The following CPAP variants were observed in gnomAD, a reference collection of about 807,000 sequenced individuals.
The protein encoded by CPAP is centrosomal P4.1-associated protein.
the CPAP span, chr13:24,884,614 C>T: frequency 1.6e-5 from 12 of 769,436 alleles, no homozygotes; most frequent in Admixed American, 1.1e-4. Context: ...GTAGCAAACT[C>T]GTGATTTTCT....
chr13:24,908,276 A>T, the CPAP span: 1 of 615,080 alleles, frequency 1.6e-6, no homozygotes. Context: ...ATTCTTTAAT[A>T]TAATTAAGAG....
the CPAP span, among the ~76,000 whole-genome samples, chr13:24,919,732 C>G: frequency 6.7e-6 from 1 of 150,216 alleles, no homozygotes; most frequent in African/African-American, 2.5e-5. Flanking sequence ...TTATGTCTGA[C>G]AGAAGAATTT....
At chr13:24,907,599 T>C in the CPAP span, among the ~76,000 whole-genome samples, 1 of 151,970 alleles carries the variant, frequency 6.6e-6, no homozygotes, top group African/African-American at 2.4e-5. Context: ...TTGAAATAAA[T>C]TTTTAAAATA....
the CPAP span, chr13:24,882,831 G>A: frequency 6.6e-6 from 2 of 304,564 alleles, no homozygotes; most frequent in South Asian, 6.5e-5. Context: ...TACGGCTGAT[G>A]TGTCTGTGGG....
At chr13:24,900,277 C>G in the CPAP span, among the ~76,000 whole-genome samples, 6 of 152,188 alleles carry the variant, frequency 3.9e-5, no homozygotes, top group Non-Finnish European at 8.8e-5. Flanking sequence ...CAAAGAACAG[C>G]CAGGAGGCCA....
the CPAP span, among the ~76,000 whole-genome samples, chr13:24,895,230 G>A: frequency 1.3e-5 from 2 of 152,266 alleles, no homozygotes; most frequent in Non-Finnish European, 2.9e-5. Flanking sequence ...CAGCCCCGGA[G>A]GAGCCCGGCT....
chr13:24,932,754 G>A, the CPAP span, among the ~76,000 whole-genome samples: 3 of 152,182 alleles, frequency 2.0e-5, no homozygotes, highest in Non-Finnish European at 4.4e-5. Flanking sequence ...TTATTAAGAT[G>A]TATATTATAA....
the CPAP span, chr13:24,910,049 G>A: frequency 1.9e-6 from 3 of 1,613,538 alleles, no homozygotes; most frequent in Admixed American, 1.7e-5. Context: ...CTGGAGACCT[G>A]TGCTTCTGGC....
the CPAP span, among the ~76,000 whole-genome samples, chr13:24,900,071 G>A: frequency 6.6e-6 from 1 of 151,948 alleles, no homozygotes; most frequent in South Asian, 2.1e-4. Context: ...GAGAAATAAA[G>A]CAAGGAAGAA....
At chr13:24,910,103 G>C in the CPAP span, 2 of 1,608,706 alleles carry the variant, frequency 1.2e-6, no homozygotes, top group Admixed American at 1.7e-5. Context: ...ATTAAGAAAT[G>C]CAACAAAGCT....
At chr13:24,884,264 A>C in the CPAP span, 5 of 1,614,048 alleles carry the variant, frequency 3.1e-6, no homozygotes, top group Non-Finnish European at 4.2e-6. Context: ...ACACACAGTC[A>C]GTCTGCCTTT....
chr13:24,929,044 T>C, the CPAP span, among the ~76,000 whole-genome samples: 1 of 152,178 alleles, frequency 6.6e-6, no homozygotes, highest in African/African-American at 2.4e-5. Flanking sequence ...AGTTTGATGG[T>C]TTTTCAAGCA....
At chr13:24,907,284 A>G in the CPAP span, 56 of 1,105,694 alleles carry the variant, frequency 5.1e-5, no homozygotes, top group Middle Eastern at 5.6e-4. Context: ...CCTTGACAAC[A>G]TGGAGAACTA....
chr13:24,908,060 T>C, the CPAP span: 1 of 1,613,070 alleles, frequency 6.2e-7, no homozygotes, highest in Non-Finnish European at 8.5e-7. Context: ...ATCATGTTTT[T>C]GTAAGTTCTT....
the CPAP span, chr13:24,903,778 TA>T: frequency 1.4e-5 from 13 of 897,304 alleles, no homozygotes; most frequent in East Asian, 2.5e-5. Context: ...TTTTATTCAG[TA>T]AAAAAAACTT....
At chr13:24,921,979 T>A in the CPAP span, among the ~76,000 whole-genome samples, 1 of 152,156 alleles carries the variant, frequency 6.6e-6, no homozygotes, top group African/African-American at 2.4e-5. Context: ...ATTGATAATA[T>A]ATATGCCGAG....
chr13:24,916,476 G>C, the CPAP span, among the ~76,000 whole-genome samples: 1 of 152,156 alleles, frequency 6.6e-6, no homozygotes. Flanking sequence ...CCACTGAAGA[G>C]ATGGAAATGA....
the CPAP span, among the ~76,000 whole-genome samples, chr13:24,889,897 G>A: frequency 2.6e-5 from 4 of 151,750 alleles, no homozygotes; most frequent in African/African-American, 4.8e-5. Flanking sequence ...CCCAGCCCCC[G>A]CCATGTCCGT....
the CPAP span, among the ~76,000 whole-genome samples, chr13:24,908,435 CAAAAAAAAAAAA>C: frequency 2.3e-4 from 19 of 80,878 alleles, no homozygotes; most frequent in African/African-American, 5.5e-4. Context: ...CCCGTCTCTA[CAAAAAAAAAAAA>C]AAAAAAAAAA....
Sources: allele counts gnomAD v4.1 joint callset (sites outside exome capture counted in the v4.1 genomes callset), GRCh38; gene constraint gnomAD v4.1.1; transcripts MANE v1.5; gene names NCBI Gene and HGNC (gene_info 2026-07-23, HGNC 2026-07-21).